Variants in UMPS observed in about 807,000 individuals in gnomAD.
UMPS encodes uridine monophosphate synthetase.
In UMPS, 21 loss-of-function variants were observed where a neutral mutation model predicts 38.9. The observed-to-expected ratio is 0.54, with a 90% CI of 0.38 to 0.78. The LOEUF (loss-of-function observed/expected upper bound fraction) is 0.78, where lower values mean the gene tolerates loss of function less well. Ranked by LOEUF, UMPS falls within the 30% of genes least tolerant of loss-of-function variation. The pLI is 0.00. For missense variants in UMPS, 533 were observed against 591.6 expected (o/e 0.90, Z 1.03); for synonymous variants, 208 against 219.3 (o/e 0.95, Z 0.45).
rs1421826416 is a variant in UMPS at position 124,744,447 on chromosome 3, C to T, written c.*363C>T. On this transcript the variant is annotated 3_prime_UTR_variant, in exon 6 of 6. Transcript: ENST00000232607. The stretch of plus-strand genomic sequence containing the variant: ...TAATTTTTTTCGAGACAGGATCTCA[C>T]TCTGTTGCCCAGGATGGAGTGCAGT... 4.4e-6 allele frequency: 2 copies of T among 454,746 alleles called. No individual in the cohort carries two copies. Among genetic ancestry groups the T allele is most frequent in the Admixed American group, 4.7e-5 (2 of 42,588 alleles). The allele number at this position is 454,746 out of a possible 1,614,324, so 28.2% of individuals were successfully genotyped here. A position where few individuals can be genotyped will look rare whatever the true frequency, so the allele number is the denominator to read the frequency against.
intron 5 of UMPS, 48 bp downstream of exon 5, chr3:124,742,314 C>A: frequency 7.4e-7 from 1 of 1,360,530 alleles, no homozygotes; most frequent in Non-Finnish European, 1.1e-6. Context: ...CTTCTTTACC[C>A]ATGGCAGGCA....
At position 124,748,536 on chromosome 3, in the gene UMPS, G is replaced by T. The variant is rs983738901; in HGVS notation, c.*4452G>T. On this transcript the variant is annotated 3_prime_UTR_variant, in exon 6 of 6. Transcript: ENST00000232607. ...TGCCTAGCCCTTTCCTTCCCACCAA[G>T]GGGGAAAGTCTTCCTCTAGACAAGA... 2.2e-6 allele frequency: 1 copy of T among 454,120 alleles called. No homozygotes were observed. The highest frequency in any genetic ancestry group is 4.4e-6 in the Non-Finnish European group (1 of 226,786). The allele number at this position is 454,120 out of a possible 1,614,324, so 28.1% of individuals were successfully genotyped here.
chr3:124,735,626 T>C (rs1011908916), intron 2 of UMPS, among the ~76,000 whole-genome samples: 2 of 152,164 alleles, frequency 1.3e-5, no homozygotes, highest in Non-Finnish European at 2.9e-5. Context: ...TGTAAACACC[T>C]CAGAGAGATA....
chr3:124,744,737 C>T lies in UMPS; in HGVS notation c.*653C>T, dbSNP rs1347125097. 4.4e-6 allele frequency: 2 copies of T among 454,034 alleles called. No homozygotes were observed. The highest frequency in any genetic ancestry group is 6.9e-4 in the Middle Eastern group (1 of 1,444). 28.1% of individuals were successfully genotyped at this position (454,034 alleles called of 1,614,324 possible). On this transcript the variant is annotated 3_prime_UTR_variant, in exon 6 of 6. Coordinates refer to ENST00000232607, the MANE Select transcript of UMPS (RefSeq NM_000373.4). ...TTGCAGTAAGACAAAAATTCTAGGG[C>T]ACCAAGAGGCTAAAGTCAGCACAGC...
At chr3:124,742,828 C>T (rs978810204) in intron 5 of UMPS, among the ~76,000 whole-genome samples, 1 of 152,142 alleles carries the variant, frequency 6.6e-6, no homozygotes, top group African/African-American at 2.4e-5. Context: ...TGTGGTGATT[C>T]TAAGATGTGT....
At chr3:124,734,409 T>A (rs904531915) in intron 1 of UMPS, among the ~76,000 whole-genome samples, 5 of 152,220 alleles carry the variant, frequency 3.3e-5, no homozygotes, top group Non-Finnish European at 7.3e-5. Flanking sequence ...TTTCAGGATA[T>A]ATAACTAAAA....
chr3:124,731,430 C>T (rs535581035), intron 1 of UMPS: 2 of 347,310 alleles, frequency 5.8e-6, no homozygotes, highest in South Asian at 2.4e-5. Context: ...CTTAATGTAC[C>T]TGGAATGTGT....
intron 5 of UMPS, among the ~76,000 whole-genome samples, chr3:124,743,641 A>AAAAT (rs201084171): frequency 0.17 from 25,876 of 150,940 alleles, 2,415 homozygotes; most frequent in Admixed American, 0.25. Context: ...CCGTCTCAAA[A>AAAAT]AAATAAATAA....
At position 124,745,748 on chromosome 3, in the gene UMPS, CAA is replaced by C. The variant is rs1391967204; in HGVS notation, c.*1668_*1669del. ...CATGAAGGGGAGAAGAATTTTCTGA[CAA>C]AAACTTGCAGGAATCTCTTAGGTGT... On this transcript the variant is annotated 3_prime_UTR_variant, in exon 6 of 6. Coordinates refer to ENST00000232607, the MANE Select transcript of UMPS (RefSeq NM_000373.4). 2.2e-6 allele frequency: 1 copy of C among 454,048 alleles called. No individual in the cohort carries two copies. The highest frequency in any genetic ancestry group is 1.6e-5 in the South Asian group (1 of 64,468). The allele number at this position is 454,048 out of a possible 1,614,324, so 28.1% of individuals were successfully genotyped here. A position where few individuals can be genotyped will look rare whatever the true frequency, so the allele number is the denominator to read the frequency against.
intron 1 of UMPS, among the ~76,000 whole-genome samples, chr3:124,734,009 A>G (rs1463822156): frequency 1.3e-5 from 2 of 152,304 alleles, no homozygotes; most frequent in Middle Eastern, 3.4e-3. Flanking sequence ...TAGTCCAGCA[A>G]TTTCACGTTT....
rs1006464981 is a variant in UMPS, at chr3:124,743,806, A to G, written c.1274-109A>G. 1.7e-5 allele frequency: 24 copies of G among 1,388,532 alleles called. No homozygotes were observed. In the East Asian group the frequency reaches 5.0e-4, roughly 29 times the overall value. The allele number at this position is 1,388,532 out of a possible 1,614,324, so 86.0% of individuals were successfully genotyped here. ...TGCTGTACAAAAGGGGAACGAAAGT[A>G]GGGGCATGTTTTTATTTAAAGCTGG... On this transcript the variant is annotated intron_variant, in intron 5 of 5. Coordinates refer to ENST00000232607, the MANE Select transcript of UMPS (RefSeq NM_000373.4).
At position 124,744,651 on chromosome 3, in the gene UMPS, C is replaced by T. The variant is rs892914759; in HGVS notation, c.*567C>T. The T allele has an allele frequency of 4.4e-6, 2 of 453,878 alleles. No individual in the cohort carries two copies. The highest frequency in any genetic ancestry group is 1.6e-5 in the South Asian group (1 of 64,470). 28.1% of individuals were successfully genotyped at this position (453,878 alleles called of 1,614,324 possible). On this transcript the variant is annotated 3_prime_UTR_variant, in exon 6 of 6. Transcript: ENST00000232607. The stretch of plus-strand genomic sequence containing the variant: ...TCTCAACTCCTGGGCTCAAGCGATC[C>T]TCCTGCCTCAGTCTCTCAAAGTGCT...
intron 1 of UMPS, 86 bp from the exon 2 acceptor site, chr3:124,735,007 C>G (rs978527952): frequency 1.2e-5 from 16 of 1,282,164 alleles, no homozygotes; most frequent in Non-Finnish European, 1.6e-5. Flanking sequence ...GGCAACAGGG[C>G]GAGACTCCAT....
In UMPS at chr3:124,748,593, G is replaced by A. The variant is rs766903388; in HGVS notation, c.*4509G>A. 1 of 454,128 alleles carries A rather than the reference G, an allele frequency of 2.2e-6. No individual in the cohort carries two copies. The highest frequency in any genetic ancestry group is 4.4e-6 in the Non-Finnish European group (1 of 226,794). The allele number at this position is 454,128 out of a possible 1,614,324, so 28.1% of individuals were successfully genotyped here. A position where few individuals can be genotyped will look rare whatever the true frequency, so the allele number is the denominator to read the frequency against. ...GGGCTCCTCAGAGTCAGATCCTGGT[G>A]TGGGCTCTCACGTGCTGCTGCTGAA... On this transcript the variant is annotated 3_prime_UTR_variant, in exon 6 of 6. Coordinates refer to ENST00000232607, the MANE Select transcript of UMPS (RefSeq NM_000373.4).
Position 124,737,748 on chromosome 3 carries a change from A to G in UMPS, c.491A>G (p.Gln164Arg), listed in dbSNP as rs2063527547. The change falls in exon 3 of 6, where the codon CAG becomes CGG. Residue 164 changes from glutamine (Q) to arginine (R), a missense_variant. Gln to Arg is a conservative substitution (Grantham distance 43). Coordinates refer to ENST00000232607, the MANE Select transcript of UMPS (RefSeq NM_000373.4). ...DREQGGKDKL[Q>R]AHGIRLHSVC... ...GAGCAGGGAGGCAAGGACAAGTTGC[A>G]GGCGCACGGGATCCGCCTCCACTCA... 1 of 1,614,210 alleles carries G rather than the reference A, an allele frequency of 6.2e-7. No homozygotes were observed. Among genetic ancestry groups the G allele is most frequent in the African/African-American group, 1.3e-5 (1 of 75,048 alleles).
chr3:124,736,545 C>T (rs563265542), intron 2 of UMPS, among the ~76,000 whole-genome samples: 11 of 152,122 alleles, frequency 7.2e-5, no homozygotes, highest in African/African-American at 7.2e-5. Flanking sequence ...TCAAGCCATC[C>T]TCCTGCCTCA....
intron 2 of UMPS, among the ~76,000 whole-genome samples, chr3:124,736,860 A>G (rs1165744281): frequency 2.0e-5 from 3 of 152,202 alleles, no homozygotes; most frequent in African/African-American, 7.2e-5. Context: ...AAAATAGTCT[A>G]GTGGGATTTG....
At chr3:124,735,361 G>T in intron 2 of UMPS, 115 bp downstream of exon 2, 1 of 941,922 alleles carries the variant, frequency 1.1e-6, no homozygotes, top group South Asian at 1.6e-5. Context: ...TCTTTAAGTT[G>T]TTACTGCTTG....
rs764749428 is a variant in UMPS, at chr3:124,747,002, T to TTTTTG, written c.*2932_*2936dup. On this transcript the variant is annotated 3_prime_UTR_variant, in exon 6 of 6. Coordinates refer to ENST00000232607, the MANE Select transcript of UMPS (RefSeq NM_000373.4). Reference sequence around the variant, plus strand: ...TGCCAAAAGTAGGCCGAGGGCTGGTTTTTTGTTTTGTTTTGTTTGTTTGAT... The same window carrying TTTTTG: ...TGCCAAAAGTAGGCCGAGGGCTGGTTTTTTGTTTTGTTTTGTTTTGTTTGTTTGAT... 62 of 449,130 alleles carry TTTTTG rather than the reference T, an allele frequency of 1.4e-4. No individual in the cohort carries two copies. In the East Asian group the frequency reaches 2.9e-3, roughly 21 times the overall value. The allele number at this position is 449,130 out of a possible 1,614,324, so 27.8% of individuals were successfully genotyped here. A position where few individuals can be genotyped will look rare whatever the true frequency, so the allele number is the denominator to read the frequency against.
Sources: gnomAD v4.1 joint callset for allele counts (sites outside exome capture counted in the v4.1 genomes callset) on GRCh38, gnomAD v4.1.1 for gene constraint, MANE v1.5 for transcripts, NCBI Gene and HGNC (gene_info 2026-07-23, HGNC 2026-07-21) for gene names.